The following DNM3 variants were observed in gnomAD, a reference collection of about 807,000 sequenced individuals.
DNM3 encodes dynamin 3, also known as dynamin-3.
A neutral mutation model predicts 101.6 loss-of-function variants in DNM3; 47 were observed. The ratio of observed to expected loss-of-function variants is 0.46; its 90% CI spans 0.37 to 0.59. The LOEUF is 0.59. Ranked by LOEUF, DNM3 falls within the 20% of genes least tolerant of loss-of-function variation. The probability of loss-of-function intolerance (pLI) is 0.00; values close to 1 mark genes in which losing one functional copy is unlikely to be tolerated. For synonymous variants in DNM3, 385 were observed against 387.9 expected, an observed-to-expected ratio of 0.99 and a Z score of 0.09; for missense variants, 849 against 1,085.7, an observed-to-expected ratio of 0.78 and a Z score of 3.06.
chr1:172,146,419 T>G (rs183878934), intron 14 of DNM3, among the ~76,000 whole-genome samples: 17 of 152,260 alleles, frequency 1.1e-4, no homozygotes, highest in Middle Eastern at 6.8e-3. Flanking sequence ...TAGCACTGGG[T>G]ACACCATTCA....
At chr1:172,244,621 C>T (rs1380891584) in intron 14 of DNM3, among the ~76,000 whole-genome samples, 1 of 152,134 alleles carries the variant, frequency 6.6e-6, no homozygotes, top group Non-Finnish European at 1.5e-5. Context: ...TCATCACTGG[C>T]CATCAGAGAA....
chr1:171,942,557 A>T (rs2041889933), intron 2 of DNM3, among the ~76,000 whole-genome samples: 1 of 152,134 alleles, frequency 6.6e-6, no homozygotes, highest in Admixed American at 6.6e-5. Context: ...ATTTATTGGG[A>T]GCTTCTATGT....
At chr1:171,852,753 A>C (rs1034060687) in intron 1 of DNM3, among the ~76,000 whole-genome samples, 12 of 152,374 alleles carry the variant, frequency 7.9e-5, no homozygotes, top group South Asian at 4.1e-4. Context: ...ACTTTAAAAA[A>C]TGGAATGGAT....
intron 1 of DNM3, among the ~76,000 whole-genome samples, chr1:171,896,762 T>C (rs1348211796): frequency 1.3e-5 from 2 of 152,186 alleles, no homozygotes; most frequent in Admixed American, 6.5e-5. Flanking sequence ...AATAGTCATG[T>C]TAAATGGTTA....
chr1:172,007,652 A>G (rs1273413472), intron 4 of DNM3, among the ~76,000 whole-genome samples: 1 of 152,058 alleles, frequency 6.6e-6, no homozygotes, highest in Non-Finnish European at 1.5e-5. Flanking sequence ...TCAAGTTTTT[A>G]TATGGCTCTT....
At chr1:172,233,521 T>C (rs868053284) in intron 14 of DNM3, among the ~76,000 whole-genome samples, 6 of 152,028 alleles carry the variant, frequency 3.9e-5, no homozygotes, top group Non-Finnish European at 8.8e-5. Flanking sequence ...AAAGAGGGAA[T>C]CCTCCCTAAC....
intron 14 of DNM3, chr1:172,144,820 T>A: frequency 3.0e-6 from 1 of 328,310 alleles, no homozygotes. Context: ...GGCAATGAAT[T>A]TAGGACCAGG....
chr1:172,326,461 G>A (rs1021199441), intron 17 of DNM3, among the ~76,000 whole-genome samples: 2 of 152,084 alleles, frequency 1.3e-5, no homozygotes, highest in South Asian at 2.1e-4. Flanking sequence ...ACAGAAACAG[G>A]GAGGTTATTT....
At chr1:171,963,439 C>T (rs1399340712) in intron 2 of DNM3, among the ~76,000 whole-genome samples, 1 of 152,038 alleles carries the variant, frequency 6.6e-6, no homozygotes, top group Non-Finnish European at 1.5e-5. Flanking sequence ...CTGTATGATA[C>T]TATATGGTGG....
Position 172,037,847 on chromosome 1 carries a change from G to T in DNM3, c.850-472G>T, listed in dbSNP as rs530584750. Among the ~76,000 whole-genome samples the T allele has an allele frequency of 2.1e-3, 313 of 152,300 alleles. 4 individuals carry two copies. The highest frequency in any genetic ancestry group is 0.017 in the South Asian group (84 of 4,832). On this transcript the variant is annotated intron_variant, in intron 6 of 20. Coordinates refer to ENST00000627582, the MANE Select transcript of DNM3 (RefSeq NM_015569.5). ...TGGAGAAAATTAACAGCTGACAGGTGCCTCTAGCACCTTGGCTACCTGAGC... is the reference window on the plus strand; with the variant it reads ...TGGAGAAAATTAACAGCTGACAGGTTCCTCTAGCACCTTGGCTACCTGAGC...
intron 1 of DNM3, among the ~76,000 whole-genome samples, chr1:171,882,105 A>G (rs12123855): frequency 0.43 from 64,716 of 151,698 alleles, 13,934 homozygotes; most frequent in African/African-American, 0.44. Flanking sequence ...CCAGCACTTT[A>G]GGAGGCCGAG....
Position 172,362,430 on chromosome 1 carries a change from A to G in DNM3, c.1894-16588A>G, listed in dbSNP as rs190733995. Among the ~76,000 whole-genome samples the G allele has an allele frequency of 2.4e-3, 361 of 152,010 alleles. 7 individuals are homozygous for G. Among genetic ancestry groups the G allele is most frequent in the Non-Finnish European group, 4.7e-4 (32 of 67,894 alleles). On this transcript the variant is annotated intron_variant, in intron 17 of 20. Coordinates refer to ENST00000627582, the MANE Select transcript of DNM3 (RefSeq NM_015569.5). Reference sequence around the variant, plus strand: ...CTAAAGGCACCAGGTCGTGATGTGCATGGTTTGATTTGGGAATAGCAAAAG... The same window carrying G: ...CTAAAGGCACCAGGTCGTGATGTGCGTGGTTTGATTTGGGAATAGCAAAAG...
intron 1 of DNM3, among the ~76,000 whole-genome samples, chr1:171,896,978 C>T (rs1389864351): frequency 6.6e-6 from 1 of 152,248 alleles, no homozygotes; most frequent in African/African-American, 2.4e-5. Flanking sequence ...ATTTCATTTT[C>T]TGAAAGATTT....
intron 14 of DNM3, among the ~76,000 whole-genome samples, chr1:172,233,893 A>G (rs1162305974): frequency 5.3e-5 from 8 of 152,194 alleles, no homozygotes; most frequent in Admixed American, 5.2e-4. Context: ...ACGTATCTCA[A>G]AATAATAAGA....
intron 13 of DNM3, among the ~76,000 whole-genome samples, chr1:172,106,104 T>C (rs1418726898): frequency 6.6e-6 from 1 of 152,194 alleles, no homozygotes; most frequent in Non-Finnish European, 1.5e-5. Flanking sequence ...ACCATCAGTT[T>C]TAATGTTGGA....
intron 15 of DNM3, among the ~76,000 whole-genome samples, chr1:172,263,497 G>A (rs2062744066): frequency 6.6e-6 from 1 of 152,130 alleles, no homozygotes. Flanking sequence ...TCTGAGACTG[G>A]ATAATTTATA....
intron 14 of DNM3, among the ~76,000 whole-genome samples, chr1:172,190,610 A>G (rs1208826698): frequency 6.6e-6 from 1 of 152,148 alleles, no homozygotes; most frequent in Non-Finnish European, 1.5e-5. Context: ...CACAATGGTT[A>G]AACTAGTGTA....
chr1:172,192,680 T>G (rs2059779185), intron 14 of DNM3, among the ~76,000 whole-genome samples: 2 of 151,970 alleles, frequency 1.3e-5, no homozygotes, highest in Admixed American at 6.6e-5. Flanking sequence ...TCCAATTTCA[T>G]CCATGTTCCT....
At chr1:172,101,856 T>C (rs1024678994) in intron 13 of DNM3, among the ~76,000 whole-genome samples, 2 of 151,874 alleles carry the variant, frequency 1.3e-5, no homozygotes, top group African/African-American at 2.4e-5. Flanking sequence ...ATTTGCTTTT[T>C]TTATTACTTA....
Sources: gnomAD v4.1 joint callset for allele counts (sites outside exome capture counted in the v4.1 genomes callset) on GRCh38, gnomAD v4.1.1 for gene constraint, MANE v1.5 for transcripts, NCBI Gene and HGNC (gene_info 2026-07-23, HGNC 2026-07-21) for gene names.